The following ANOS1 variants were observed in gnomAD, a reference collection of about 807,000 sequenced individuals.
The protein encoded by ANOS1 is anosmin 1.
A neutral mutation model predicts 59.0 loss-of-function variants in ANOS1; 6 were observed. The observed-to-expected ratio is 0.10, with a 90% CI of 0.06 to 0.20. The LOEUF is 0.20. Ranked by LOEUF, ANOS1 falls within the 10% of genes least tolerant of loss-of-function variation. The pLI is 1.00. For synonymous variants in ANOS1, 217 were observed against 223.4 expected (o/e 0.97, Z 0.25); for missense variants, 433 against 542.3 (o/e 0.80, Z 2.00).
chrX:8,540,385 G>C, intron 9 of ANOS1, among the ~76,000 whole-genome samples: 1 of 111,116 alleles, frequency 9.0e-6, no homozygotes, highest in Non-Finnish European at 1.9e-5. Context: ...TGGCATTTCT[G>C]TATGGCTGAT....
intron 3 of ANOS1, among the ~76,000 whole-genome samples, chrX:8,612,798 T>A (rs1931085581): frequency 9.0e-6 from 1 of 111,587 alleles, no homozygotes; most frequent in Non-Finnish European, 1.9e-5. Context: ...AGGTTATAAA[T>A]GCTACTAAAG....
intron 1 of ANOS1, among the ~76,000 whole-genome samples, chrX:8,709,165 T>C (rs1932796722): frequency 9.2e-6 from 1 of 109,113 alleles, no homozygotes; most frequent in Admixed American, 9.9e-5. Context: ...CTAATATAGA[T>C]AGATGATGGG....
At chrX:8,651,426 G>A (rs1457970930) in intron 2 of ANOS1, among the ~76,000 whole-genome samples, 1 of 111,868 alleles carries the variant, frequency 8.9e-6, no homozygotes, top group Non-Finnish European at 1.9e-5. Context: ...TAACAAAACT[G>A]TTACCTCATC....
At chrX:8,640,891 T>A (rs899567234) in intron 2 of ANOS1, among the ~76,000 whole-genome samples, 16 of 112,072 alleles carry the variant, frequency 1.4e-4, no homozygotes, top group African/African-American at 4.5e-4. Context: ...CCACTGAATA[T>A]GACCAAAGTC....
At chrX:8,681,650 A>C (rs981310755) in intron 2 of ANOS1, among the ~76,000 whole-genome samples, 1 of 111,670 alleles carries the variant, frequency 9.0e-6, no homozygotes, top group African/African-American at 3.3e-5. Flanking sequence ...AAGGACATCA[A>C]GGCCCATTCT....
intron 4 of ANOS1, among the ~76,000 whole-genome samples, chrX:8,590,716 G>A (rs1241543565): frequency 1.8e-5 from 2 of 111,864 alleles, no homozygotes; most frequent in Non-Finnish European, 3.8e-5. Context: ...TGAACTAATA[G>A]CCAAACCCAC....
intron 2 of ANOS1, among the ~76,000 whole-genome samples, chrX:8,667,681 A>G (rs1214599482): frequency 9.0e-6 from 1 of 111,626 alleles, no homozygotes. Flanking sequence ...GAGATAAAAT[A>G]TCATCAGCCG....
intron 2 of ANOS1, among the ~76,000 whole-genome samples, chrX:8,695,424 T>G (rs1037627576): frequency 8.9e-6 from 1 of 111,859 alleles, no homozygotes; most frequent in African/African-American, 3.2e-5. Context: ...CACATTCTTA[T>G]GGGTTAAATG....
At chrX:8,674,554 G>A (rs768370390) in intron 2 of ANOS1, among the ~76,000 whole-genome samples, 1 of 111,792 alleles carries the variant, frequency 8.9e-6, no homozygotes, top group East Asian at 2.8e-4. Context: ...ATTGTCTTTG[G>A]CCACACATAA....
intron 2 of ANOS1, among the ~76,000 whole-genome samples, chrX:8,656,338 C>G (rs1401164503): frequency 8.9e-6 from 1 of 112,135 alleles, no homozygotes; most frequent in Non-Finnish European, 1.9e-5. Flanking sequence ...AGGAGCCTGG[C>G]AAATTGTGTA....
At chrX:8,556,519 C>T (rs957780453) in intron 8 of ANOS1, among the ~76,000 whole-genome samples, 5 of 109,479 alleles carry the variant, frequency 4.6e-5, no homozygotes, top group Non-Finnish European at 9.6e-5. Flanking sequence ...AAATCACAAG[C>T]ATTCCTATAC....
chrX:8,563,897 TG>T (rs766335117), intron 8 of ANOS1, among the ~76,000 whole-genome samples: 1 of 111,922 alleles, frequency 8.9e-6, no homozygotes, highest in South Asian at 3.8e-4. Context: ...CATCGAGCTT[TG>T]TAAGTGGAGG....
In ANOS1 at chrX:8,533,883, T is replaced by G. The variant is rs1295228489; in HGVS notation, c.1984+436A>C. ...TTTCAGATATGAGACTACAGATTTTTTTCCCATATGTATTTATGGTTTAAA... is the reference window on the plus strand; with the variant it reads ...TTTCAGATATGAGACTACAGATTTTGTTCCCATATGTATTTATGGTTTAAA... On this transcript the variant is annotated intron_variant, in intron 13 of 13. Transcript: ENST00000262648. Among the ~76,000 whole-genome samples, 5 of 110,490 alleles carry G rather than the reference T, an allele frequency of 4.5e-5. No homozygotes were observed. The East Asian group carries it at 1.1e-3, about 25-fold the overall frequency.
intron 3 of ANOS1, among the ~76,000 whole-genome samples, chrX:8,622,957 T>C (rs774387851): frequency 9.0e-6 from 1 of 111,147 alleles, no homozygotes; most frequent in Non-Finnish European, 1.9e-5. Context: ...GATGGATAGA[T>C]AGACAAATAG....
Position 8,686,403 on chromosome X carries a change from GA to G in ANOS1, c.255+13294del, listed in dbSNP as rs1261340512. Among the ~76,000 whole-genome samples, 6 of 104,011 alleles carry G rather than the reference GA, an allele frequency of 5.8e-5. No individual in the cohort carries two copies. In the South Asian group the frequency reaches 2.4e-3, roughly 41 times the overall value. 90.3% of individuals were successfully genotyped at this position (104,011 alleles called of 115,157 possible). On this transcript the variant is annotated intron_variant, in intron 2 of 13. Transcript: ENST00000262648. The stretch of plus-strand genomic sequence containing the variant: ...GCTGGAAAGCACATCTTAAGTGAGT[GA>G]AAAAAAAATGAGATAAAGGGAAATT...
intron 3 of ANOS1, among the ~76,000 whole-genome samples, chrX:8,603,806 TGGG>T (rs1763858030): frequency 8.9e-6 from 1 of 112,096 alleles, no homozygotes; most frequent in African/African-American, 3.2e-5. Flanking sequence ...AGTCAGGGAA[TGGG>T]GGGCTTCGCT....
At chrX:8,700,248 C>T (rs1932742516) in intron 1 of ANOS1, among the ~76,000 whole-genome samples, 1 of 111,776 alleles carries the variant, frequency 8.9e-6, no homozygotes, top group African/African-American at 3.3e-5. Context: ...CATTGACTCA[C>T]AGTTCTGCAG....
intron 2 of ANOS1, among the ~76,000 whole-genome samples, chrX:8,665,498 G>C (rs1443461948): frequency 8.9e-6 from 1 of 112,263 alleles, no homozygotes; most frequent in African/African-American, 3.2e-5. Flanking sequence ...TAATAGCTAG[G>C]TGGTAGATAT....
rs146523690 is a variant in ANOS1 at position 8,671,957 on chromosome X, G to A, written c.255+27741C>T. 3.4e-3 allele frequency among the ~76,000 whole-genome samples: 376 copies of A among 110,145 alleles called. 1 individual carries two copies. Among genetic ancestry groups the A allele is most frequent in the African/African-American group, 0.011 (343 of 30,298 alleles). ...AGATCTACTCTTTCAGTGATTTTCC[G>A]GAATACAATACATTATTAACTATAG... On this transcript the variant is annotated intron_variant, in intron 2 of 13. Transcript: ENST00000262648.
Sources: gnomAD v4.1 joint callset for allele counts (sites outside exome capture counted in the v4.1 genomes callset) on GRCh38, gnomAD v4.1.1 for gene constraint, MANE v1.5 for transcripts, NCBI Gene and HGNC (gene_info 2026-07-23, HGNC 2026-07-21) for gene names.